Variants in CPNE4 observed in about 807,000 individuals in gnomAD.
The protein encoded by CPNE4 is copine 4.
A neutral mutation model predicts 67.9 loss-of-function variants in CPNE4; 25 were observed. The observed-to-expected ratio is 0.37, with a 90% CI of 0.27 to 0.51. The LOEUF (loss-of-function observed/expected upper bound fraction) is 0.51. Among genes scored for constraint, CPNE4 ranks in the 20% least tolerant of loss-of-function variants. The pLI, the probability that CPNE4 is intolerant of heterozygous loss-of-function variation, is 0.93. For synonymous variants in CPNE4, 242 were observed against 244.9 expected (o/e 0.99, Z 0.11); for missense variants, 464 against 690.8 (o/e 0.67, Z 3.68).
chr3:131,890,206 TA>T (rs1473582998), intron 2 of CPNE4, among the ~76,000 whole-genome samples: 2 of 151,976 alleles, frequency 1.3e-5, no homozygotes, highest in African/African-American at 4.8e-5. Flanking sequence ...AATTAATTTC[TA>T]AAATATATAA....
chr3:131,884,009 GC>G (rs1253291000), intron 2 of CPNE4, among the ~76,000 whole-genome samples: 1 of 152,068 alleles, frequency 6.6e-6, no homozygotes, highest in Non-Finnish European at 1.5e-5. Flanking sequence ...TTTTAAACAA[GC>G]CCCCCTATCA....
intron 7 of CPNE4, among the ~76,000 whole-genome samples, chr3:131,605,780 GA>G (rs780978527): frequency 1.3e-5 from 2 of 152,038 alleles, no homozygotes; most frequent in Non-Finnish European, 2.9e-5. Flanking sequence ...TGAGGGAGAA[GA>G]AAAGGAGGAA....
At chr3:131,727,320 C>T (rs764087782) in intron 2 of CPNE4, among the ~76,000 whole-genome samples, 36 of 152,126 alleles carry the variant, frequency 2.4e-4, no homozygotes, top group Non-Finnish European at 4.9e-4. Flanking sequence ...CACGGCCAGG[C>T]GCAGTGGCTC....
intron 2 of CPNE4, among the ~76,000 whole-genome samples, chr3:131,838,738 G>A (rs927617391): frequency 1.3e-5 from 2 of 151,422 alleles, no homozygotes; most frequent in Non-Finnish European, 1.5e-5. Flanking sequence ...AAAACAATAA[G>A]CTCAGGTGAT....
At chr3:131,899,587 G>C (rs1047383109) in intron 2 of CPNE4, among the ~76,000 whole-genome samples, 14 of 152,172 alleles carry the variant, frequency 9.2e-5, no homozygotes, top group African/African-American at 3.4e-4. Context: ...GTATGACCCT[G>C]GGCGATGTAT....
At chr3:131,886,366 A>T (rs745751514) in intron 2 of CPNE4, among the ~76,000 whole-genome samples, 13 of 152,236 alleles carry the variant, frequency 8.5e-5, no homozygotes, top group Non-Finnish European at 1.6e-4. Context: ...ATTTTAGAAG[A>T]TGTACGGAAA....
intron 2 of CPNE4, among the ~76,000 whole-genome samples, chr3:131,866,361 C>T (rs2086950920): frequency 6.6e-6 from 1 of 152,224 alleles, no homozygotes; most frequent in South Asian, 2.1e-4. Flanking sequence ...CCGGGATCCT[C>T]TGGGCCTTTT....
chr3:131,555,107 C>T (rs12106976), intron 12 of CPNE4, among the ~76,000 whole-genome samples: 43,886 of 151,934 alleles, frequency 0.29, 8,884 homozygotes, highest in African/African-American at 0.58. Context: ...ATAAGAAAGT[C>T]TGTAGACTCC....
intron 2 of CPNE4, among the ~76,000 whole-genome samples, chr3:131,801,850 C>T (rs376372015): frequency 6.8e-5 from 7 of 102,334 alleles, no homozygotes; most frequent in Non-Finnish European, 9.0e-5. Context: ...GCCTCCAAGC[C>T]GCGCTAGGAT....
At chr3:131,936,829 G>A (rs1021178342) in intron 1 of CPNE4, among the ~76,000 whole-genome samples, 5 of 151,558 alleles carry the variant, frequency 3.3e-5, no homozygotes, top group African/African-American at 4.8e-5. Flanking sequence ...AAAATAACAA[G>A]AAGAAAAGAG....
chr3:131,719,904 C>T (rs1287420977), intron 3 of CPNE4, among the ~76,000 whole-genome samples: 1 of 152,228 alleles, frequency 6.6e-6, no homozygotes, highest in African/African-American at 2.4e-5. Flanking sequence ...TGGACACACG[C>T]CTACCTCTAA....
intron 2 of CPNE4, among the ~76,000 whole-genome samples, chr3:131,789,035 C>CACACAGAG (rs1553771459): frequency 1.4e-3 from 190 of 137,396 alleles, no homozygotes; most frequent in African/African-American, 4.5e-3. Flanking sequence ...CACACACACA[C>CACACAGAG]AGAGAGAGAG....
chr3:132,016,557 A>T (rs1453121626), intron 1 of CPNE4, among the ~76,000 whole-genome samples: 1 of 152,168 alleles, frequency 6.6e-6, no homozygotes, highest in African/African-American at 2.4e-5. Context: ...AAGTCAGAGG[A>T]ACCCTGAGAG....
At chr3:131,726,263 C>T (rs928349913) in intron 2 of CPNE4, among the ~76,000 whole-genome samples, 1 of 152,218 alleles carries the variant, frequency 6.6e-6, no homozygotes, top group African/African-American at 2.4e-5. Context: ...TTTCCAGTGG[C>T]ATTCCCTTAT....
At chr3:132,017,985 C>T (rs2073921579) in intron 1 of CPNE4, among the ~76,000 whole-genome samples, 1 of 151,954 alleles carries the variant, frequency 6.6e-6, no homozygotes. Context: ...CCCTAAAGAC[C>T]CAGATGCTCA....
intron 2 of CPNE4, among the ~76,000 whole-genome samples, chr3:131,771,014 T>C (rs1052470003): frequency 2.0e-5 from 3 of 152,196 alleles, no homozygotes; most frequent in African/African-American, 7.2e-5. Flanking sequence ...CAGTGTCTGA[T>C]GACCATGATA....
chr3:131,836,787 A>T (rs1399681598), intron 2 of CPNE4, among the ~76,000 whole-genome samples: 1 of 152,206 alleles, frequency 6.6e-6, no homozygotes, highest in Non-Finnish European at 1.5e-5. Flanking sequence ...TGAAAACTCA[A>T]GCTACAGATT....
chr3:132,015,005 A>C (rs2073857360), intron 1 of CPNE4, among the ~76,000 whole-genome samples: 2 of 152,116 alleles, frequency 1.3e-5, no homozygotes, highest in Admixed American at 1.3e-4. Context: ...ATGGAACAAA[A>C]CTGTTTGATT....
chr3:131,715,596 T>C (rs977737007), intron 3 of CPNE4, among the ~76,000 whole-genome samples: 1 of 152,226 alleles, frequency 6.6e-6, no homozygotes, highest in African/African-American at 2.4e-5. Flanking sequence ...CTCAGGGATG[T>C]TGTGCTGATT....
Sources: gnomAD v4.1 joint callset for allele counts (sites outside exome capture counted in the v4.1 genomes callset) on GRCh38, gnomAD v4.1.1 for gene constraint, MANE v1.5 for transcripts, NCBI Gene and HGNC (gene_info 2026-07-23, HGNC 2026-07-21) for gene names.